The following NPTX2 variants were observed in gnomAD, a reference collection of about 807,000 sequenced individuals.
NPTX2 encodes neuronal pentraxin-2.
A neutral mutation model predicts 38.1 loss-of-function variants in NPTX2; 23 were observed. The observed-to-expected ratio is 0.60, with a 90% CI of 0.43 to 0.85. The LOEUF is 0.85. NPTX2 is among the 40% of genes least tolerant of loss of function. The pLI, the probability that NPTX2 is intolerant of heterozygous loss-of-function variation, is 0.00. For missense variants in NPTX2, 553 were observed against 615.3 expected, an observed-to-expected ratio of 0.90 and a Z score of 1.07; for synonymous variants, 291 against 287.3, an observed-to-expected ratio of 1.01 and a Z score of -0.13.
chr7:98,628,351 G>C (rs1298650424), intron 4 of NPTX2, 51 bp from the exon 5 acceptor site: 4 of 851,450 alleles, frequency 4.7e-6, no homozygotes. Flanking sequence ...CCCGTGTGCA[G>C]GGGGACTTGT....
chr7:98,623,457 C>A (rs1453598302), intron 2 of NPTX2, among the ~76,000 whole-genome samples: 1 of 152,152 alleles, frequency 6.6e-6, no homozygotes, highest in African/African-American at 2.4e-5. Flanking sequence ...TGGATTCTCA[C>A]CAATTCCAGG....
chr7:98,619,936 G>A, intron 2 of NPTX2, 77 bp downstream of exon 2: 1 of 1,301,538 alleles, frequency 7.7e-7, no homozygotes, highest in South Asian at 1.3e-5. Context: ...GATTCTGGTT[G>A]ATGGACAGCA....
chr7:98,620,820 G>A (rs1413048763), intron 2 of NPTX2, among the ~76,000 whole-genome samples: 2 of 152,234 alleles, frequency 1.3e-5, no homozygotes, highest in South Asian at 2.1e-4. Flanking sequence ...TTTGCCTCTC[G>A]AAAGGGGAAC....
chr7:98,625,755 A>G (rs1791337302), intron 3 of NPTX2, among the ~76,000 whole-genome samples: 3 of 150,052 alleles, frequency 2.0e-5, no homozygotes, highest in Admixed American at 1.3e-4. Context: ...GCCCCAGCCC[A>G]TGGCCATTGC....
rs201822467 is a variant in NPTX2, at chr7:98,625,006, C to T, written c.728C>T (p.Thr243Met). The change falls in exon 3 of 5, where the codon ACG (threonine) becomes ATG (methionine). Residue 243 changes from threonine to methionine, a missense_variant. By Grantham distance (81) the Thr-to-Met change is moderately conservative. Transcript: ENST00000265634. ...TNYLYGKIKKTLPELYAFTIC... is the reference protein window; with the variant it reads ...TNYLYGKIKKMLPELYAFTIC... ...TACCTATACGGCAAGATCAAGAAGA[C>T]GCTGCCTGAGCTGTACGCCTTCACC... 2.8e-5 allele frequency: 45 copies of T among 1,613,936 alleles called. No homozygotes were observed. Among genetic ancestry groups the T allele is most frequent in the South Asian group, 7.7e-5 (7 of 91,088 alleles).
At chr7:98,624,403 T>C (rs1453375557) in intron 2 of NPTX2, among the ~76,000 whole-genome samples, 1 of 152,164 alleles carries the variant, frequency 6.6e-6, no homozygotes, top group Admixed American at 6.5e-5. Context: ...AAGAGCTTTT[T>C]TTCTTCTAGA....
rs756061169 is a variant in NPTX2, at chr7:98,619,715, G to A, written c.499G>A (p.Gly167Arg). ...DFREVLQQRL[G>R]ELERQLLRKV... ...CCGCGAGGTGCTCCAGCAGCGGCTG[G>A]GGGAGCTGGAGAGGCAGCTTCTGCG... The change falls in exon 2 of 5, where the codon GGG becomes AGG. Residue 167 changes from glycine (G) to arginine (R), a missense_variant. Transcript: ENST00000265634. The A allele has an allele frequency of 1.7e-5, 28 of 1,613,230 alleles. No homozygotes were observed. The South Asian group carries it at 3.1e-4, about 18-fold the overall frequency.
Position 98,625,179 on chromosome 7 carries a change from T to C in NPTX2, c.888+13T>C. On this transcript the variant is annotated intron_variant, in intron 3 of 4. Coordinates refer to ENST00000265634, the MANE Select transcript of NPTX2 (RefSeq NM_002523.3). Reference sequence around the variant, plus strand: ...CATCAACGACAAGGTGAGGCCCGCCTGCACCGCCACCCTCCCCAGAACCCA... The same window carrying C: ...CATCAACGACAAGGTGAGGCCCGCCCGCACCGCCACCCTCCCCAGAACCCA... 3.2e-6 allele frequency: 5 copies of C among 1,571,612 alleles called. No homozygotes were observed. Among genetic ancestry groups the C allele is most frequent in the Non-Finnish European group, 3.5e-6 (4 of 1,154,592 alleles).
rs149036973 is a variant in NPTX2, at chr7:98,625,973, C to A, written c.888+807C>A. Among the ~76,000 whole-genome samples the A allele has an allele frequency of 8.4e-4, 127 of 151,898 alleles. 1 individual carries two copies. In the East Asian group the frequency reaches 0.017, roughly 20 times the overall value. ...GCAGCCTGGGCAACATAGCAAGACC[C>A]CTTCTCTACAAAAAATTAGAAAGTT... On this transcript the variant is annotated intron_variant, in intron 3 of 4. Coordinates refer to ENST00000265634, the MANE Select transcript of NPTX2 (RefSeq NM_002523.3).
Position 98,617,888 on chromosome 7 carries a change from G to T in NPTX2, c.426+1G>T. 1 of 1,550,644 alleles carries T rather than the reference G, an allele frequency of 6.4e-7. No homozygotes were observed. The highest frequency in any genetic ancestry group is 8.6e-7 in the Non-Finnish European group (1 of 1,156,084). On this transcript the variant is annotated splice_donor_variant, in intron 1 of 4. Coordinates refer to ENST00000265634, the MANE Select transcript of NPTX2 (RefSeq NM_002523.3). LOFTEE classifies it high-confidence loss of function. The stretch of plus-strand genomic sequence containing the variant: ...CAAGGACCGCCTGGAGAGCCTCGAG[G>T]TAGCGGCCCGCGGGGAGCGCGGGGG...
At chr7:98,619,545 T>C in intron 1 of NPTX2, 98 bp from the exon 2 acceptor site, 1 of 1,009,200 alleles carries the variant, frequency 9.9e-7, no homozygotes, top group Admixed American at 1.8e-5. Context: ...GCTTGCGTTT[T>C]GGAAGCTTCT....
In NPTX2 at chr7:98,628,416, T is replaced by C. The variant is rs757605001; in HGVS notation, c.1083T>C (p.Gly361=). 6.3e-7 allele frequency: 1 copy of C among 1,591,714 alleles called. No homozygotes were observed. Among genetic ancestry groups the C allele is most frequent in the Admixed American group, 1.7e-5 (1 of 59,322 alleles). The change falls in exon 5 of 5, where the codon GGT becomes GGC. Residue 361 remains glycine, a synonymous_variant. Transcript: ENST00000265634. ...ILGQEQDTVG[G]RFDATQAFVG... is the part of the protein sequence containing the mutation. ...CCATTCCCCAGGACACCGTGGGGGGTAGGTTTGATGCCACTCAGGCATTTG... is the reference window on the plus strand; with the variant it reads ...CCATTCCCCAGGACACCGTGGGGGGCAGGTTTGATGCCACTCAGGCATTTG...
At chr7:98,626,087 C>A (rs1340166167) in intron 3 of NPTX2, among the ~76,000 whole-genome samples, 1 of 141,850 alleles carries the variant, frequency 7.0e-6, no homozygotes, top group African/African-American at 2.6e-5. Flanking sequence ...GTCGAGGCTG[C>A]AATGAACTAT....
chr7:98,628,649 G>A lies in NPTX2; in HGVS notation c.*20G>A. 8.1e-7 allele frequency: 1 copy of A among 1,235,198 alleles called. No homozygotes were observed. The highest frequency in any genetic ancestry group is 1.1e-6 in the Non-Finnish European group (1 of 877,306). The allele number at this position is 1,235,198 out of a possible 1,614,324, so 76.5% of individuals were successfully genotyped here. ...TTGTAGCCGCCTTCTCCTCTGTCCAGGAGGCCGGGATCAGGCTGTTGCCAT... is the reference window on the plus strand; with the variant it reads ...TTGTAGCCGCCTTCTCCTCTGTCCAAGAGGCCGGGATCAGGCTGTTGCCAT... On this transcript the variant is annotated 3_prime_UTR_variant, in exon 5 of 5. Transcript: ENST00000265634.
At chr7:98,625,729 G>A (rs1791337054) in intron 3 of NPTX2, among the ~76,000 whole-genome samples, 2 of 150,710 alleles carry the variant, frequency 1.3e-5, no homozygotes, top group African/African-American at 2.5e-5. Context: ...CCCCTTCATA[G>A]TTAACTCTGA....
chr7:98,620,055 A>G (rs533821964), intron 2 of NPTX2, 196 bp downstream of exon 2: 2 of 608,574 alleles, frequency 3.3e-6, no homozygotes, highest in East Asian at 2.8e-5. Flanking sequence ...GGCATTATCC[A>G]GGGAAAAGTG....
At chr7:98,624,861 G>T (rs568874583) in intron 2 of NPTX2, 61 bp from the exon 3 acceptor site, 2 of 1,565,962 alleles carry the variant, frequency 1.3e-6, no homozygotes, top group East Asian at 2.3e-5. Flanking sequence ...GCTCTGGGCC[G>T]TGCTGGTGGG....
At chr7:98,618,034 CG>C in intron 1 of NPTX2, 147 bp downstream of exon 1, 1 of 776,534 alleles carries the variant, frequency 1.3e-6, no homozygotes, top group East Asian at 3.2e-5. Flanking sequence ...GGGTGAAAGG[CG>C]GGGATCTAGA....
intron 1 of NPTX2, among the ~76,000 whole-genome samples, chr7:98,618,513 G>A (rs981599435): frequency 1.3e-5 from 2 of 148,752 alleles, no homozygotes; most frequent in Non-Finnish European, 3.0e-5. Context: ...CCATTTTAAG[G>A]TGCTCTTCCG....
Sources: gnomAD v4.1 joint callset for allele counts (sites outside exome capture counted in the v4.1 genomes callset) on GRCh38, gnomAD v4.1.1 for gene constraint, MANE v1.5 for transcripts, NCBI Gene and HGNC (gene_info 2026-07-23, HGNC 2026-07-21) for gene names.